The following EARS2 variants were observed in gnomAD, a reference collection of about 807,000 sequenced individuals.
The protein encoded by EARS2 is glutamyl-tRNA synthetase 2, mitochondrial, also known as nondiscriminating glutamyl-tRNA synthetase EARS2, mitochondrial.
EARS2 carries 50 observed loss-of-function variants against 54.1 expected under a neutral mutation model. The observed-to-expected ratio is 0.92, with a 90% CI of 0.74 to 1.17. The LOEUF is 1.17. Among genes scored for constraint, EARS2 ranks in the 50% most tolerant of loss-of-function variants. The pLI is 0.00. For synonymous variants in EARS2, 298 were observed against 281.0 expected (o/e 1.06, Z -0.61); for missense variants, 673 against 675.0 (o/e 1.00, Z 0.03).
chr16:23,556,915 G>A (rs556200889), intron 1 of EARS2: 3 of 641,062 alleles, frequency 4.7e-6, no homozygotes, highest in Non-Finnish European at 8.6e-6. Context: ...CTGTATCCCA[G>A]CGTCTACAAC....
intron 2 of EARS2, chr16:23,545,277 T>A (rs754123106): frequency 6.6e-6 from 1 of 151,872 alleles, no homozygotes; most frequent in East Asian, 1.9e-4. Context: ...GTCCTCTCAA[T>A]CCCTGATGGG....
intron 5 of EARS2, among the ~76,000 whole-genome samples, chr16:23,530,226 A>T (rs1262353031): frequency 6.6e-6 from 1 of 152,066 alleles, no homozygotes; most frequent in Non-Finnish European, 1.5e-5. Context: ...CCTAGGCTCA[A>T]GCGATCCTCC....
intron 2 of EARS2, among the ~76,000 whole-genome samples, chr16:23,551,798 G>C (rs182444976): frequency 6.6e-6 from 1 of 152,196 alleles, no homozygotes; most frequent in Non-Finnish European, 1.5e-5. Context: ...GCGGGCGCCT[G>C]TAGTTCCAGC....
chr16:23,534,052 C>CA (rs34263060), intron 4 of EARS2, among the ~76,000 whole-genome samples: 58 of 135,316 alleles, frequency 4.3e-4, no homozygotes, highest in Admixed American at 7.5e-4. Flanking sequence ...AGTTCTGTCT[C>CA]AAAAAAAAAA....
intron 1 of EARS2, among the ~76,000 whole-genome samples, chr16:23,554,460 T>A (rs1327551030): frequency 1.3e-5 from 2 of 152,200 alleles, no homozygotes; most frequent in Non-Finnish European, 2.9e-5. Flanking sequence ...TAACAGCTTT[T>A]CCAGAGTTGT....
intron 1 of EARS2, chr16:23,556,618 CAA>C (rs1310422327): frequency 3.3e-6 from 1 of 302,318 alleles, no homozygotes; most frequent in Non-Finnish European, 6.5e-6. Context: ...CTCTGCCTCC[CAA>C]AGTGCTGGGA....
intron 1 of EARS2, among the ~76,000 whole-genome samples, chr16:23,555,976 C>A (rs1597030729): frequency 1.3e-5 from 2 of 152,232 alleles, no homozygotes; most frequent in African/African-American, 4.8e-5. Context: ...TGGATGTTTT[C>A]AAAATTTTAT....
At chr16:23,553,426 T>A (rs1040809607) in intron 1 of EARS2, among the ~76,000 whole-genome samples, 20 of 152,102 alleles carry the variant, frequency 1.3e-4, no homozygotes, top group Non-Finnish European at 2.8e-4. Context: ...GGGAAAAAAA[T>A]TAATTACAAA....
intron 2 of EARS2, among the ~76,000 whole-genome samples, chr16:23,546,972 AAAC>A (rs1265606919): frequency 3.3e-5 from 5 of 152,194 alleles, no homozygotes; most frequent in African/African-American, 1.2e-4. Flanking sequence ...ATCTAATGCT[AAAC>A]AAGTCTCTTT....
chr16:23,524,131 G>A lies in EARS2; in HGVS notation c.*240C>T. Reference sequence around the variant, plus strand: ...CTGCTGTGTAATGTGTGAGAAACCAGACCCGGAGAATGCCTTTCCAGAGTC... The same window carrying A: ...CTGCTGTGTAATGTGTGAGAAACCAAACCCGGAGAATGCCTTTCCAGAGTC... On this transcript the variant is annotated 3_prime_UTR_variant, in exon 9 of 9. Coordinates refer to ENST00000449606, the MANE Select transcript of EARS2 (RefSeq NM_001083614.2). 1.8e-6 allele frequency: 1 copy of A among 569,906 alleles called. No homozygotes were observed. Among genetic ancestry groups the A allele is most frequent in the East Asian group, 2.9e-5 (1 of 34,128 alleles). The allele number at this position is 569,906 out of a possible 1,614,324, so 35.3% of individuals were successfully genotyped here.
chr16:23,542,022 C>T (rs987562078), intron 3 of EARS2, among the ~76,000 whole-genome samples: 1 of 152,088 alleles, frequency 6.6e-6, no homozygotes, highest in African/African-American at 2.4e-5. Flanking sequence ...TCATGCCCAG[C>T]TAATTTTTGT....
Position 23,521,892 on chromosome 16 carries a change from A to G in EARS2, c.*2479T>C, listed in dbSNP as rs1017013313. 2 of 452,840 alleles carry G rather than the reference A, an allele frequency of 4.4e-6. No individual in the cohort carries two copies. The highest frequency in any genetic ancestry group is 3.1e-5 in the South Asian group (2 of 64,466). 28.1% of individuals were successfully genotyped at this position (452,840 alleles called of 1,614,324 possible). ...GATCAGAGTTAAGCTTGGACTCTGG[A>G]TCGGCACAGATCTGAGTTTAAATCT... On this transcript the variant is annotated 3_prime_UTR_variant, in exon 9 of 9. Coordinates refer to ENST00000449606, the MANE Select transcript of EARS2 (RefSeq NM_001083614.2).
chr16:23,537,577 T>C (rs1205234740), intron 3 of EARS2: 2 of 152,218 alleles, frequency 1.3e-5, no homozygotes, highest in African/African-American at 4.8e-5. Flanking sequence ...CATTCATTCA[T>C]TTACTGAGAC....
chr16:23,555,110 T>C (rs534163468), intron 1 of EARS2, among the ~76,000 whole-genome samples: 26 of 152,342 alleles, frequency 1.7e-4, no homozygotes, highest in Non-Finnish European at 2.6e-4. Context: ...TTCGGCTGCA[T>C]GAGCTTAACC....
chr16:23,525,509 G>A, intron 7 of EARS2, 130 bp from the exon 8 acceptor site: 1 of 1,097,968 alleles, frequency 9.1e-7, no homozygotes, highest in Non-Finnish European at 1.3e-6. Context: ...TGTTTTGAGG[G>A]AGGTGAGGAA....
chr16:23,555,366 T>C (rs970159522), intron 1 of EARS2, among the ~76,000 whole-genome samples: 2 of 152,140 alleles, frequency 1.3e-5, no homozygotes, highest in African/African-American at 2.4e-5. Context: ...CACACACTTG[T>C]AGTCCCAGCT....
At chr16:23,545,556 T>C (rs925412210) in intron 2 of EARS2, among the ~76,000 whole-genome samples, 3 of 152,220 alleles carry the variant, frequency 2.0e-5, no homozygotes, top group African/African-American at 7.2e-5. Flanking sequence ...GGCACAGAGA[T>C]GCTTTGTCAC....
In EARS2 at chr16:23,535,302, C is replaced by T; in HGVS notation, c.544G>A (p.Asp182Asn). ...QEQVAQKLAK[D>N]PKPAIRFRLE... ...CGGAAGCGGATCGCAGGCTTGGGGTCCTTGGCCAGCTTCTGGGCCACCTGC... is the reference window on the plus strand; with the variant it reads ...CGGAAGCGGATCGCAGGCTTGGGGTTCTTGGCCAGCTTCTGGGCCACCTGC... The change falls in exon 4 of 9, where the codon GAC becomes AAC. Residue 182 changes from aspartate (D) to asparagine (N), a missense_variant. Coordinates refer to ENST00000449606, the MANE Select transcript of EARS2 (RefSeq NM_001083614.2). The T allele has an allele frequency of 1.9e-6, 3 of 1,604,066 alleles. No individual in the cohort carries two copies. Among genetic ancestry groups the T allele is most frequent in the Non-Finnish European group, 2.5e-6 (3 of 1,179,950 alleles).
rs1345058832 is a variant in EARS2 at position 23,530,047 on chromosome 16, A to G, written c.1068-150T>C. The G allele has an allele frequency of 4.1e-6, 4 of 967,494 alleles. No individual in the cohort carries two copies. In the East Asian group the frequency reaches 1.1e-4, roughly 25 times the overall value. The allele number at this position is 967,494 out of a possible 1,614,324, so 59.9% of individuals were successfully genotyped here. On this transcript the variant is annotated intron_variant, in intron 5 of 8. Transcript: ENST00000449606. The stretch of plus-strand genomic sequence containing the variant: ...AAGCTAGAAGAATCTCTTCACGTTT[A>G]TAAAAAGAAAGGGATGTGACTAAGG...
Sources: allele counts gnomAD v4.1 joint callset (sites outside exome capture counted in the v4.1 genomes callset), GRCh38; gene constraint gnomAD v4.1.1; transcripts MANE v1.5; gene names NCBI Gene and HGNC (gene_info 2026-07-23, HGNC 2026-07-21).